RANBP2: variants seen among roughly 807,000 people sequenced by gnomAD.
RANBP2 encodes the protein RAN binding protein 2, also known as E3 SUMO-protein ligase RanBP2.
RANBP2 carries 57 observed loss-of-function variants against 303.6 expected under a neutral mutation model. The observed-to-expected ratio is 0.19, with a 90% CI of 0.15 to 0.23. The LOEUF (loss-of-function observed/expected upper bound fraction) is 0.23. RANBP2 is among the 10% of genes least tolerant of loss of function. The pLI is 1.00. For synonymous variants in RANBP2, 1,167 were observed against 1,301.5 expected (o/e 0.90, Z 2.23); for missense variants, 3,138 against 3,780.8 (o/e 0.83, Z 4.46).
intron 1 of RANBP2, among the ~76,000 whole-genome samples, chr2:108,720,910 G>T (rs919783349): frequency 1.4e-4 from 21 of 152,128 alleles, no homozygotes; most frequent in African/African-American, 5.1e-4. Context: ...TTAGCCGGGC[G>T]TGGTGGCGCA....
At chr2:109,348,015 C>T in the RANBP2 span, 3 of 1,523,038 alleles carry the variant, frequency 2.0e-6, no homozygotes, top group South Asian at 2.5e-5. Flanking sequence ...GGGCTCTTCC[C>T]AGCCACAGAC....
At chr2:109,547,795 G>A in the RANBP2 span, among the ~76,000 whole-genome samples, 2 of 152,166 alleles carry the variant, frequency 1.3e-5, no homozygotes, top group Non-Finnish European at 2.9e-5. Context: ...CATGATGGCT[G>A]GCACTGAGTA....
the RANBP2 span, chr2:109,614,147 G>A: frequency 5.0e-6 from 6 of 1,198,702 alleles, no homozygotes; most frequent in Non-Finnish European, 6.2e-6. Context: ...GGAAGACGGC[G>A]CGAGGAATGC....
At chr2:109,145,482 G>A in the RANBP2 span, among the ~76,000 whole-genome samples, 475 of 152,262 alleles carry the variant, frequency 3.1e-3, 2 homozygotes, top group Non-Finnish European at 5.8e-3. Flanking sequence ...AGGGAATGCC[G>A]CCTCCTTTCT....
chr2:109,123,199 A>C, the RANBP2 span, among the ~76,000 whole-genome samples: 2 of 152,130 alleles, frequency 1.3e-5, no homozygotes, highest in African/African-American at 4.8e-5. Context: ...TGACACCCTC[A>C]TATCCATCTC....
chr2:109,426,481 A>G, the RANBP2 span, among the ~76,000 whole-genome samples: 1 of 152,240 alleles, frequency 6.6e-6, no homozygotes, highest in Admixed American at 6.5e-5. Flanking sequence ...AACTAGAATT[A>G]GAAATTGAAC....
chr2:109,494,635 G>T, the RANBP2 span, among the ~76,000 whole-genome samples: 1 of 152,178 alleles, frequency 6.6e-6, no homozygotes, highest in Non-Finnish European at 1.5e-5. Flanking sequence ...AGAACACTCA[G>T]CTGCCAAGCA....
chr2:109,651,966 G>A, the RANBP2 span, among the ~76,000 whole-genome samples: 1 of 152,184 alleles, frequency 6.6e-6, no homozygotes, highest in South Asian at 2.1e-4. Flanking sequence ...TCTCACCAGG[G>A]CTGACCCAGC....
chr2:109,492,301 G>A, the RANBP2 span, among the ~76,000 whole-genome samples: 92,557 of 152,116 alleles, frequency 0.61, 29,008 homozygotes, highest in Middle Eastern at 0.78. Context: ...CAGTTTGCCA[G>A]CCCTGACAGA....
chr2:109,345,387 G>A, the RANBP2 span, among the ~76,000 whole-genome samples: 9 of 152,276 alleles, frequency 5.9e-5, no homozygotes, highest in South Asian at 2.1e-4. Flanking sequence ...GGAGTGCAGC[G>A]TGTAGGCAGG....
the RANBP2 span, among the ~76,000 whole-genome samples, chr2:109,353,529 G>T: frequency 6.6e-6 from 1 of 152,198 alleles, no homozygotes; most frequent in Non-Finnish European, 1.5e-5. Context: ...AGCAAGGGGC[G>T]CCTGGAGGGA....
the RANBP2 span, among the ~76,000 whole-genome samples, chr2:109,177,094 T>C: frequency 6.6e-6 from 1 of 152,202 alleles, no homozygotes; most frequent in Non-Finnish European, 1.5e-5. Context: ...CAATAAGCTC[T>C]GTTTACTGGG....
At chr2:109,615,193 G>A in the RANBP2 span, 1 of 1,548,368 alleles carries the variant, frequency 6.5e-7, no homozygotes, top group Admixed American at 2.0e-5. Context: ...GGGGGAGGAC[G>A]CGGCAGAGGC....
chr2:109,357,445 T>C, the RANBP2 span, among the ~76,000 whole-genome samples: 7 of 152,190 alleles, frequency 4.6e-5, no homozygotes, highest in Non-Finnish European at 8.8e-5. Context: ...CCTCCCAAAG[T>C]GCTGGGATTA....
At chr2:109,223,437 G>A in the RANBP2 span, among the ~76,000 whole-genome samples, 39,721 of 152,076 alleles carry the variant, frequency 0.26, 5,517 homozygotes, top group East Asian at 0.47. Context: ...TTGATTCCTC[G>A]GTTATTTCAG....
At chr2:109,344,981 A>T in the RANBP2 span, among the ~76,000 whole-genome samples, 1 of 152,156 alleles carries the variant, frequency 6.6e-6, no homozygotes, top group Non-Finnish European at 1.5e-5. Flanking sequence ...GGTCTGCATC[A>T]GTGAAGGGGG....
chr2:109,252,908 AAGTC>A, the RANBP2 span, among the ~76,000 whole-genome samples: 2 of 152,222 alleles, frequency 1.3e-5, no homozygotes, highest in Admixed American at 6.5e-5. Context: ...GAAAAATCCT[AAGTC>A]AGCCCATCGT....
chr2:109,444,351 G>T, the RANBP2 span, among the ~76,000 whole-genome samples: 1 of 152,164 alleles, frequency 6.6e-6, no homozygotes, highest in East Asian at 1.9e-4. Flanking sequence ...ATATAAAATG[G>T]AACACACAAT....
At chr2:109,740,512 AG>A in the RANBP2 span, among the ~76,000 whole-genome samples, 10 of 152,250 alleles carry the variant, frequency 6.6e-5, no homozygotes, top group Non-Finnish European at 4.4e-5. Context: ...ATCCAAGAGC[AG>A]GTTACATATT....
Sources: gnomAD v4.1 joint callset for allele counts (sites outside exome capture counted in the v4.1 genomes callset) on GRCh38, gnomAD v4.1.1 for gene constraint, MANE v1.5 for transcripts, NCBI Gene and HGNC (gene_info 2026-07-23, HGNC 2026-07-21) for gene names.